POLD3: variants seen among roughly 807,000 people sequenced by gnomAD.
POLD3 encodes DNA polymerase delta 3, accessory subunit.
In POLD3, 19 loss-of-function variants were observed where a neutral mutation model predicts 58.2. That is an observed-to-expected ratio of 0.33 (90% CI 0.23 to 0.48). The LOEUF (loss-of-function observed/expected upper bound fraction) is 0.48, where lower values mean the gene tolerates loss of function less well. Ranked by LOEUF, POLD3 falls within the 20% of genes least tolerant of loss-of-function variation. The probability of loss-of-function intolerance (pLI) is 0.99; values close to 1 mark genes in which losing one functional copy is unlikely to be tolerated. For synonymous variants in POLD3, 172 were observed against 193.5 expected (o/e 0.89, Z 0.92); for missense variants, 504 against 545.5 (o/e 0.92, Z 0.76).
At chr11:74,653,333 A>ACACACACG (rs58331480) in intron 4 of POLD3, among the ~76,000 whole-genome samples, 2 of 151,694 alleles carry the variant, frequency 1.3e-5, no homozygotes, top group Admixed American at 1.3e-4. Context: ...ACACACACAC[A>ACACACACG]TAGTGTGGTC....
chr11:74,604,545 A>G lies in POLD3; in HGVS notation c.117-147A>G, dbSNP rs1591292100. On this transcript the variant is annotated intron_variant, in intron 2 of 11. Transcript: ENST00000263681. ...TGAAGTCCATCCTTTTTTTTTTTCA[A>G]CTGTCCATAGGCCAAGCAAAAATGC... is the stretch of plus-strand genomic sequence containing the variant. 9.4e-5 allele frequency: 55 copies of G among 584,240 alleles called. No homozygotes were observed. The South Asian group carries it at 1.1e-3, about 12-fold the overall frequency. The allele number at this position is 584,240 out of a possible 1,614,324, so 36.2% of individuals were successfully genotyped here. A position where few individuals can be genotyped will look rare whatever the true frequency, so the allele number is the denominator to read the frequency against.
chr11:74,629,236 T>C lies in POLD3; in HGVS notation c.919T>C (p.Ser307Pro). 4 of 1,602,564 alleles carry C rather than the reference T, an allele frequency of 2.5e-6. No homozygotes were observed. In the Middle Eastern group the frequency reaches 6.6e-4, roughly 266 times the overall value. ...EKKRGKRVAL[S>P]DDETKETENM... is the part of the protein sequence containing the mutation. ...CAACAGGGGGAAGCGAGTAGCATTA[T>C]CTGATGATGAGACAAAGGAAACTGA... is the stretch of plus-strand genomic sequence containing the variant. Residue 307 changes from serine to proline, a missense_variant, in exon 9 of 12, where the codon TCT (serine) becomes CCT (proline). Ser to Pro is a moderately conservative substitution (Grantham distance 74). Transcript: ENST00000263681.
intron 7 of POLD3, among the ~76,000 whole-genome samples, chr11:74,621,980 A>T (rs2032276207): frequency 6.6e-6 from 1 of 151,828 alleles, no homozygotes; most frequent in African/African-American, 2.4e-5. Context: ...TTAACTCGTC[A>T]TTTAGCACTA....
intron 5 of POLD3, among the ~76,000 whole-genome samples, chr11:74,615,214 A>G (rs528660080): frequency 6.6e-6 from 1 of 152,302 alleles, no homozygotes; most frequent in Non-Finnish European, 1.5e-5. Flanking sequence ...GTTGTAGAGG[A>G]TTAAATGGAC....
At chr11:74,606,530 G>A (rs1017960997) in intron 3 of POLD3, among the ~76,000 whole-genome samples, 3 of 152,154 alleles carry the variant, frequency 2.0e-5, no homozygotes, top group African/African-American at 7.2e-5. Context: ...AAAGAAAAAT[G>A]CATATGTTGA....
At chr11:74,637,895 T>C (rs1239896398) in intron 11 of POLD3, among the ~76,000 whole-genome samples, 8 of 151,978 alleles carry the variant, frequency 5.3e-5, no homozygotes, top group African/African-American at 1.9e-4. Flanking sequence ...TGCTTTCCTC[T>C]CTCTGCTCAG....
intron 9 of POLD3, among the ~76,000 whole-genome samples, chr11:74,631,982 A>G (rs1290455244): frequency 6.6e-6 from 1 of 152,030 alleles, no homozygotes; most frequent in Non-Finnish European, 1.5e-5. Flanking sequence ...CACCTGTAGT[A>G]CTATATACTC....
chr11:74,651,174 C>T (rs1179674856), intron 4 of POLD3, among the ~76,000 whole-genome samples: 1 of 152,218 alleles, frequency 6.6e-6, no homozygotes, highest in African/African-American at 2.4e-5. Context: ...ATCATTCTAT[C>T]TCCAGTACCT....
intron 4 of POLD3, among the ~76,000 whole-genome samples, chr11:74,655,227 T>C (rs961156354): frequency 6.6e-6 from 1 of 152,230 alleles, no homozygotes; most frequent in Admixed American, 6.5e-5. Flanking sequence ...TAAGCAACAC[T>C]GACATGGGCG....
chr11:74,637,435 C>CTTTTTTTTTTTTTTTTTTTTTTTTTCTT (rs5792663), intron 11 of POLD3, among the ~76,000 whole-genome samples: 2 of 115,474 alleles, frequency 1.7e-5, no homozygotes, highest in South Asian at 2.8e-4. Flanking sequence ...CTTTTTCTTC[C>CTTTTTTTTTTTTTTTTTTTTTTTTTCTT]TTTTTTTTTT....
intron 7 of POLD3, 73 bp downstream of exon 7, chr11:74,620,162 A>G (rs950534520): frequency 8.6e-7 from 1 of 1,162,860 alleles, no homozygotes; most frequent in Non-Finnish European, 1.3e-6. Flanking sequence ...CTGAAGTGAA[A>G]GCCACTTTGT....
chr11:74,651,278 G>T (rs1374533315), intron 4 of POLD3, among the ~76,000 whole-genome samples: 1 of 152,182 alleles, frequency 6.6e-6, no homozygotes, highest in Admixed American at 6.5e-5. Context: ...CTGGCCATGT[G>T]ATCCTGGGAA....
At chr11:74,627,467 A>G (rs1416864636) in intron 8 of POLD3, among the ~76,000 whole-genome samples, 1 of 152,150 alleles carries the variant, frequency 6.6e-6, no homozygotes, top group Non-Finnish European at 1.5e-5. Context: ...TTGAAGAAAG[A>G]AAAACATTTT....
chr11:74,627,216 A>G (rs1239468906), intron 8 of POLD3, among the ~76,000 whole-genome samples: 1 of 152,170 alleles, frequency 6.6e-6, no homozygotes, highest in Non-Finnish European at 1.5e-5. Context: ...GACAATGATC[A>G]TTGATGATCC....
intron 4 of POLD3, among the ~76,000 whole-genome samples, chr11:74,654,878 T>C (rs1374140895): frequency 6.6e-6 from 1 of 152,168 alleles, no homozygotes; most frequent in East Asian, 1.9e-4. Flanking sequence ...GAAGTTGAGG[T>C]CCTGGTTGGA....
rs1202426924 is a variant in POLD3, at chr11:74,665,391, A to ATTTTTTTTTTT, written c.370-3373_370-3363dup. Among the ~76,000 whole-genome samples the ATTTTTTTTTTT allele has an allele frequency of 3.2e-4, 27 of 83,318 alleles. 1 individual carries two copies. The highest frequency in any genetic ancestry group is 1.3e-3 in the African/African-American group (26 of 19,970). 54.7% of individuals were successfully genotyped at this position (83,318 alleles called of 152,430 possible). On this transcript the variant is annotated intron_variant, in intron 4 of 4. Transcript: ENST00000524752. The stretch of plus-strand genomic sequence containing the variant: ...TGACAAAATCTAGCACCCTTTTATA[A>ATTTTTTTTTTT]TTTTTTTTTTTTTTTTTTTTTTTGA...
intron 1 of POLD3, 40 bp from the exon 2 acceptor site, chr11:74,594,021 T>G: frequency 9.4e-7 from 1 of 1,065,620 alleles, no homozygotes; most frequent in Non-Finnish European, 1.5e-6. Context: ...CACTCTGGAG[T>G]CATCTAATAA....
rs754230189 is a variant in POLD3 at position 74,634,608 on chromosome 11, T to C, written c.1032T>C (p.Tyr344=). Residue 344 remains tyrosine (Y), a synonymous_variant, in exon 10 of 12, where the codon TAT becomes TAC. Transcript: ENST00000263681. The part of the protein sequence containing the change: ...DEVFPDSPGA[Y]EAESPSPPPP... ...TCTTTCCAGACTCTCCTGGGGCTTATGAAGCTGAGTCACCATCCCCACCTC... is the reference window on the plus strand; with the variant it reads ...TCTTTCCAGACTCTCCTGGGGCTTACGAAGCTGAGTCACCATCCCCACCTC... The C allele has an allele frequency of 6.2e-7, 1 of 1,611,004 alleles. No individual in the cohort carries two copies. The highest frequency in any genetic ancestry group is 1.1e-5 in the South Asian group (1 of 91,010).
chr11:74,639,190 TCTG>T (rs768894328), intron 11 of POLD3, among the ~76,000 whole-genome samples: 2 of 152,330 alleles, frequency 1.3e-5, no homozygotes, highest in Non-Finnish European at 2.9e-5. Flanking sequence ...CCACCCCAGA[TCTG>T]CTGAGTCTGA....
Sources: gnomAD v4.1 joint callset for allele counts (sites outside exome capture counted in the v4.1 genomes callset) on GRCh38, gnomAD v4.1.1 for gene constraint, MANE v1.5 for transcripts, NCBI Gene and HGNC (gene_info 2026-07-23, HGNC 2026-07-21) for gene names.